The following EPDR1 variants were observed in gnomAD, a reference collection of about 807,000 sequenced individuals.
EPDR1 encodes mammalian ependymin-related protein 1.
Under a neutral mutation model 23.7 loss-of-function variants are expected in EPDR1, and 27 were observed. The observed-to-expected ratio is 1.14, with a 90% CI of 0.84 to 1.57. EPDR1 has a LOEUF of 1.57. Among genes scored for constraint, EPDR1 ranks in the 40% most tolerant of loss-of-function variants. EPDR1 has a pLI of 0.00. For missense variants in EPDR1, 349 were observed against 290.4 expected, an observed-to-expected ratio of 1.20 and a Z score of -1.47; for synonymous variants, 137 against 118.2, an observed-to-expected ratio of 1.16 and a Z score of -1.03.
chr7:37,950,233 A>G lies in EPDR1; in HGVS notation c.512A>G (p.Asp171Gly), dbSNP rs774014768. The G allele has an allele frequency of 3.1e-6, 5 of 1,613,772 alleles. No individual in the cohort carries two copies. The Admixed American group carries it at 8.3e-5, about 27-fold the overall frequency. ...TGGATTGGCATCTATACAGTCAAGG[A>G]TTGCTATCCTGTCCAGGAAACCTTT... ...ETWIGIYTVK[D>G]CYPVQETFTI... The change falls in exon 3 of 3, where the codon GAT becomes GGT. Residue 171 changes from aspartate (D) to glycine (G), a missense_variant. Asp to Gly is a moderately conservative substitution (Grantham distance 94). Coordinates refer to ENST00000199448, the MANE Select transcript of EPDR1 (RefSeq NM_017549.5).
intron 1 of EPDR1, among the ~76,000 whole-genome samples, chr7:37,942,791 A>T (rs1420015852): frequency 1.3e-5 from 2 of 151,976 alleles, no homozygotes; most frequent in African/African-American, 4.8e-5. Context: ...CTAAAAAAAA[A>T]CTATTTTCAA....
Position 37,950,447 on chromosome 7 carries a change from A to G in EPDR1, c.*51A>G. ...TCGGATGTCAGCCCCCTGCGGCCCC[A>G]GCTGGAGATGGATATGAGACTAGTC... On this transcript the variant is annotated 3_prime_UTR_variant, in exon 3 of 3. Coordinates refer to ENST00000199448, the MANE Select transcript of EPDR1 (RefSeq NM_017549.5). 6.7e-7 allele frequency: 1 copy of G among 1,494,308 alleles called. No homozygotes were observed. The highest frequency in any genetic ancestry group is 9.0e-7 in the Non-Finnish European group (1 of 1,105,018). 92.6% of individuals were successfully genotyped at this position (1,494,308 alleles called of 1,614,324 possible).
At chr7:37,944,974 T>G (rs550540002) in intron 1 of EPDR1, among the ~76,000 whole-genome samples, 4 of 152,292 alleles carry the variant, frequency 2.6e-5, no homozygotes, top group African/African-American at 9.6e-5. Context: ...TATCTAGCAC[T>G]GGGGAAAGCA....
chr7:37,930,927 C>G, intron 1 of EPDR1, among the ~76,000 whole-genome samples: 1 of 152,214 alleles, frequency 6.6e-6, no homozygotes, highest in East Asian at 1.9e-4. Context: ...AGCTTTGTCA[C>G]AAGGTCTTCT....
At chr7:37,933,962 C>G (rs986467713) in intron 1 of EPDR1, among the ~76,000 whole-genome samples, 28 of 150,874 alleles carry the variant, frequency 1.9e-4, no homozygotes, top group African/African-American at 6.3e-4. Flanking sequence ...TCTGCATCCA[C>G]TTATTCTGCC....
At position 37,935,993 on chromosome 7, in the gene EPDR1, C is replaced by CATATAT. The variant is rs752536687; in HGVS notation, c.270-12805_270-12800dup. ...TGATTTGGGAACTAGCAAATCATGG[C>CATATAT]ATATATATATATATATATATATATA... On this transcript the variant is annotated intron_variant, in intron 1 of 2. Coordinates refer to ENST00000199448, the MANE Select transcript of EPDR1 (RefSeq NM_017549.5). 4.8e-4 allele frequency among the ~76,000 whole-genome samples: 22 copies of CATATAT among 45,588 alleles called. 2 individuals carry two copies. Among genetic ancestry groups the CATATAT allele is most frequent in the East Asian group, 9.6e-4 (1 of 1,038 alleles). The allele number at this position is 45,588 out of a possible 152,430, so 29.9% of individuals were successfully genotyped here. A position where few individuals can be genotyped will look rare whatever the true frequency, so the allele number is the denominator to read the frequency against.
At chr7:37,924,683 G>A (rs1166178070) in intron 1 of EPDR1, among the ~76,000 whole-genome samples, 1 of 152,146 alleles carries the variant, frequency 6.6e-6, no homozygotes, top group Non-Finnish European at 1.5e-5. Flanking sequence ...CGAGTTCTTG[G>A]CAAGGTTCTT....
rs371475399 is a variant in EPDR1 at position 37,950,260 on chromosome 7, C to G, written c.539C>G (p.Thr180Ser). 5.0e-6 allele frequency: 8 copies of G among 1,614,010 alleles called. No homozygotes were observed. The highest frequency in any genetic ancestry group is 6.8e-6 in the Non-Finnish European group (8 of 1,180,028). ...TGCTATCCTGTCCAGGAAACCTTTACCATAAACTACAGTGTGATATTGTCT... is the reference window on the plus strand; with the variant it reads ...TGCTATCCTGTCCAGGAAACCTTTAGCATAAACTACAGTGTGATATTGTCT... ...KDCYPVQETF[T>S]INYSVILSTR... Residue 180 changes from threonine (T) to serine (S), a missense_variant, in exon 3 of 3, where the codon ACC becomes AGC. Transcript: ENST00000199448.
Position 37,950,360 on chromosome 7 carries a change from C to A in EPDR1, c.639C>A (p.Ala213=). 6.2e-7 allele frequency: 1 copy of A among 1,613,684 alleles called. No individual in the cohort carries two copies. The highest frequency in any genetic ancestry group is 1.1e-5 in the South Asian group (1 of 90,948). The change falls in exon 3 of 3, where the codon GCC becomes GCA. Residue 213 remains alanine, a synonymous_variant. Coordinates refer to ENST00000199448, the MANE Select transcript of EPDR1 (RefSeq NM_017549.5). ...VFTPPSTCQM[A]QLEKMSEDCS... is the part of the protein sequence containing the mutation. Reference sequence around the variant, plus strand: ...CCCCTCCAAGCACGTGCCAGATGGCCCAACTGGAGAAGATGAGCGAAGACT... The same window carrying A: ...CCCCTCCAAGCACGTGCCAGATGGCACAACTGGAGAAGATGAGCGAAGACT...
intron 1 of EPDR1, among the ~76,000 whole-genome samples, chr7:37,948,627 G>C (rs993491905): frequency 6.6e-6 from 1 of 152,098 alleles, no homozygotes; most frequent in Non-Finnish European, 1.5e-5. Flanking sequence ...GGATTACAGG[G>C]ATGAGCCATC....
chr7:37,938,559 C>T (rs1786105797), intron 1 of EPDR1, among the ~76,000 whole-genome samples: 1 of 152,178 alleles, frequency 6.6e-6, no homozygotes, highest in South Asian at 2.1e-4. Context: ...GGCGAACATG[C>T]AAAATGCCTT....
chr7:37,933,610 G>A (rs1371383349), intron 1 of EPDR1, among the ~76,000 whole-genome samples: 1 of 152,196 alleles, frequency 6.6e-6, no homozygotes, highest in Non-Finnish European at 1.5e-5. Flanking sequence ...TCCAAATTGT[G>A]ACAGAAAAAC....
At chr7:37,949,189 A>G in intron 2 of EPDR1, 141 bp downstream of exon 2, 1 of 711,852 alleles carries the variant, frequency 1.4e-6, no homozygotes, top group Middle Eastern at 3.9e-4. Context: ...TCTGCAGGTT[A>G]CTTTGCTCAC....
Position 37,951,895 on chromosome 7 carries a change from A to G in EPDR1, c.*1499A>G, listed in dbSNP as rs114834389. Reference sequence around the variant, plus strand: ...GGATAATCTTGGTTATAAGGGAGTTAAAACAATGCTGTAATAAATAAAGTG... The same window carrying G: ...GGATAATCTTGGTTATAAGGGAGTTGAAACAATGCTGTAATAAATAAAGTG... On this transcript the variant is annotated 3_prime_UTR_variant, in exon 3 of 3. Transcript: ENST00000199448. 2 of 152,244 alleles carry G rather than the reference A, an allele frequency of 1.3e-5. No individual in the cohort carries two copies. The highest frequency in any genetic ancestry group is 4.8e-5 in the African/African-American group (2 of 41,460). The allele number at this position is 152,244 out of a possible 1,614,324, so 9.4% of individuals were successfully genotyped here. A position where few individuals can be genotyped will look rare whatever the true frequency, so the allele number is the denominator to read the frequency against.
intron 1 of EPDR1, among the ~76,000 whole-genome samples, chr7:37,943,836 A>G (rs1219075719): frequency 6.6e-6 from 1 of 152,192 alleles, no homozygotes; most frequent in African/African-American, 2.4e-5. Context: ...TTTTAAAATT[A>G]AATTTTACTT....
chr7:37,941,307 T>C (rs1057300523), intron 1 of EPDR1, among the ~76,000 whole-genome samples: 6 of 152,230 alleles, frequency 3.9e-5, no homozygotes, highest in African/African-American at 1.4e-4. Context: ...TAACAGGACA[T>C]TTCCAACATC....
At chr7:37,942,695 G>A (rs1463552397) in intron 1 of EPDR1, among the ~76,000 whole-genome samples, 2 of 152,112 alleles carry the variant, frequency 1.3e-5, no homozygotes, top group African/African-American at 4.8e-5. Context: ...TGTTATTTCT[G>A]TAAATTAGAG....
chr7:37,923,682 T>TA (rs1188969008), intron 1 of EPDR1, among the ~76,000 whole-genome samples: 1 of 152,018 alleles, frequency 6.6e-6, no homozygotes, highest in East Asian at 1.9e-4. Context: ...TTTTTTTTTT[T>TA]ACAATTAAAA....
At chr7:37,941,331 C>T (rs1786169554) in intron 1 of EPDR1, among the ~76,000 whole-genome samples, 2 of 152,194 alleles carry the variant, frequency 1.3e-5, no homozygotes, top group South Asian at 4.1e-4. Flanking sequence ...AAGTATCACT[C>T]ATCAATTACT....
Sources: gnomAD v4.1 joint callset for allele counts (sites outside exome capture counted in the v4.1 genomes callset) on GRCh38, gnomAD v4.1.1 for gene constraint, MANE v1.5 for transcripts, NCBI Gene and HGNC (gene_info 2026-07-23, HGNC 2026-07-21) for gene names.